Variants in ATP9A observed in about 807,000 individuals in gnomAD.
ATP9A encodes the protein probable phospholipid-transporting ATPase IIA.
In ATP9A, 52 loss-of-function variants were observed where a neutral mutation model predicts 144.1. The ratio of observed to expected loss-of-function variants is 0.36; its 90% CI spans 0.29 to 0.45. The LOEUF (loss-of-function observed/expected upper bound fraction) is 0.45. Among genes scored for constraint, ATP9A ranks in the 20% least tolerant of loss-of-function variants. The probability of loss-of-function intolerance (pLI) is 1.00; values close to 1 mark genes in which losing one functional copy is unlikely to be tolerated. For synonymous variants in ATP9A, 582 were observed against 557.4 expected (o/e 1.04, Z -0.62); for missense variants, 947 against 1,392.7 (o/e 0.68, Z 5.09).
chr20:51,696,796 CAAGTT>C (rs998709682), intron 5 of ATP9A, among the ~76,000 whole-genome samples: 3 of 152,160 alleles, frequency 2.0e-5, no homozygotes, highest in South Asian at 2.1e-4. Flanking sequence ...TCTACAGAAA[CAAGTT>C]AAGACACAAC....
At chr20:51,673,700 G>A (rs190150095) in intron 11 of ATP9A, among the ~76,000 whole-genome samples, 25 of 152,256 alleles carry the variant, frequency 1.6e-4, no homozygotes, top group Admixed American at 1.4e-3. Context: ...GAGCCTCAGT[G>A]TGGTTCACAC....
At chr20:51,625,004 CAAAAAAAAAAAA>C (rs71192538) in intron 18 of ATP9A, among the ~76,000 whole-genome samples, 176 bp downstream of exon 18, 4 of 100,812 alleles carry the variant, frequency 4.0e-5, no homozygotes, top group Non-Finnish European at 5.9e-5. Context: ...GACCCCGTCT[CAAAAAAAAAAAA>C]AAAAAAAAAA....
chr20:51,606,446 C>T (rs546500962), intron 26 of ATP9A, among the ~76,000 whole-genome samples: 2 of 152,226 alleles, frequency 1.3e-5, no homozygotes, highest in Admixed American at 1.3e-4. Context: ...CCTGTAATCC[C>T]AACACTTTGT....
chr20:51,763,115 T>C (rs896668461), intron 1 of ATP9A, among the ~76,000 whole-genome samples: 3 of 152,012 alleles, frequency 2.0e-5, no homozygotes, highest in Non-Finnish European at 2.9e-5. Flanking sequence ...ATTCCATTGA[T>C]AGACAATTTC....
At position 51,747,103 on chromosome 20, in the gene ATP9A, T is replaced by TG. The variant is rs576041454; in HGVS notation, c.69-17126_69-17125insC. On this transcript the variant is annotated intron_variant, in intron 1 of 27. Transcript: ENST00000338821. The stretch of plus-strand genomic sequence containing the variant: ...ATCTAAGGTCTGGGTTTTTCGTTTT[T>TG]TTTTTTTTTTTTCCTGTTTAACTAG... Among the ~76,000 whole-genome samples the TG allele has an allele frequency of 3.3e-3, 496 of 150,758 alleles. 2 individuals are homozygous for TG. Among genetic ancestry groups the TG allele is most frequent in the African/African-American group, 0.012 (479 of 40,852 alleles).
intron 6 of ATP9A, among the ~76,000 whole-genome samples, chr20:51,694,371 A>G (rs1406629452): frequency 6.6e-6 from 1 of 152,180 alleles, no homozygotes; most frequent in African/African-American, 2.4e-5. Flanking sequence ...TAAAACGTGG[A>G]GAAACGCAGA....
At chr20:51,657,363 A>G (rs957963810) in intron 13 of ATP9A, among the ~76,000 whole-genome samples, 1 of 151,132 alleles carries the variant, frequency 6.6e-6, no homozygotes, top group Non-Finnish European at 1.5e-5. Context: ...GAGACAGAGG[A>G]AAAAAAATAC....
rs146125195 is a variant in ATP9A, at chr20:51,708,975, C to T, written c.436+3991G>A. On this transcript the variant is annotated intron_variant, in intron 4 of 27. Transcript: ENST00000338821. Reference sequence around the variant, plus strand: ...TCCTGAACTAAGAAAAAAATGCTATCAAAGGACATTTTAGGGACAAATAGC... The same window carrying T: ...TCCTGAACTAAGAAAAAAATGCTATTAAAGGACATTTTAGGGACAAATAGC... Among the ~76,000 whole-genome samples, 51 of 152,092 alleles carry T rather than the reference C, an allele frequency of 3.4e-4. 1 individual carries two copies. Among genetic ancestry groups the T allele is most frequent in the Admixed American group, 2.8e-3 (43 of 15,248 alleles).
intron 6 of ATP9A, 135 bp from the exon 7 acceptor site, chr20:51,694,237 A>C: frequency 1.6e-6 from 1 of 609,890 alleles, no homozygotes; most frequent in Non-Finnish European, 2.9e-6. Flanking sequence ...TACATATCCT[A>C]TCTCCTACTT....
Position 51,608,563 on chromosome 20 carries a change from C to G in ATP9A, c.2700G>C (p.Ser900=). The change falls in exon 25 of 28, where the codon TCG becomes TCC. Residue 900 remains serine, a synonymous_variant. Transcript: ENST00000338821. ...GCTCAGGATACAGCATGGCAACTTC[C>G]GATTTGACATCTTTGTCCAGGACCA... The part of the protein sequence containing the change: ...FSLVLDKDVK[S]EVAMLYPELY... 6.2e-7 allele frequency: 1 copy of G among 1,613,562 alleles called. No homozygotes were observed. The highest frequency in any genetic ancestry group is 8.5e-7 in the Non-Finnish European group (1 of 1,179,490).
At chr20:51,752,273 C>T (rs1484763181) in intron 1 of ATP9A, among the ~76,000 whole-genome samples, 5 of 152,242 alleles carry the variant, frequency 3.3e-5, no homozygotes, top group South Asian at 4.1e-4. Flanking sequence ...TAGTATTGGA[C>T]GATGCCATTA....
intron 1 of ATP9A, among the ~76,000 whole-genome samples, chr20:51,765,044 A>T (rs2077897672): frequency 6.6e-6 from 1 of 152,120 alleles, no homozygotes; most frequent in South Asian, 2.1e-4. Context: ...AATTAACTCC[A>T]AAAACTCACA....
intron 1 of ATP9A, among the ~76,000 whole-genome samples, chr20:51,735,332 T>C (rs1363763595): frequency 1.3e-5 from 2 of 150,714 alleles, no homozygotes; most frequent in African/African-American, 4.9e-5. Flanking sequence ...AGGGAGACGC[T>C]TGCATGAGCA....
At chr20:51,731,132 C>T (rs1171497224) in intron 1 of ATP9A, among the ~76,000 whole-genome samples, 3 of 151,524 alleles carry the variant, frequency 2.0e-5, no homozygotes, top group Non-Finnish European at 4.4e-5. Flanking sequence ...GGTGAAACCC[C>T]GTCTCTGCTG....
intron 22 of ATP9A, among the ~76,000 whole-genome samples, chr20:51,615,480 C>CAT (rs920824516): frequency 2.6e-5 from 4 of 151,996 alleles, no homozygotes; most frequent in Admixed American, 1.3e-4. Context: ...ATGAAAATTA[C>CAT]ATATATATAC....
intron 3 of ATP9A, among the ~76,000 whole-genome samples, chr20:51,724,232 T>C (rs2077702754): frequency 6.6e-6 from 1 of 151,892 alleles, no homozygotes; most frequent in Non-Finnish European, 1.5e-5. Context: ...ATCCAAGCGT[T>C]CCCCCCCTGG....
At position 51,670,099 on chromosome 20, in the gene ATP9A, G is replaced by T. The variant is rs770151175; in HGVS notation, c.1191C>A (p.Thr397=). Residue 397 remains threonine (T), a synonymous_variant, in exon 13 of 28, where the codon ACC becomes ACA. Transcript: ENST00000338821. ...GCCGTTTGAAAATCATCTCGTTCTG[G>T]GTAAGAGTGCCTAAAACACAAGACA... is the stretch of plus-strand genomic sequence containing the variant. ...YLLTDKTGTL[T]QNEMIFKRLH... is the part of the protein sequence containing the mutation. 1.2e-6 allele frequency: 2 copies of T among 1,613,824 alleles called. No individual in the cohort carries two copies. The highest frequency in any genetic ancestry group is 1.7e-6 in the Non-Finnish European group (2 of 1,179,728).
rs543840498 is a variant in ATP9A, at chr20:51,621,292, G to C, written c.2115+782C>G. Among the ~76,000 whole-genome samples the C allele has an allele frequency of 1.6e-4, 24 of 152,204 alleles. 1 individual carries two copies. The South Asian group carries it at 5.0e-3, about 32-fold the overall frequency. ...TGAATGATGAGAACTGACTGTACCT[G>C]CCTCTATACAATACTATGCTATTTC... is the stretch of plus-strand genomic sequence containing the variant. On this transcript the variant is annotated intron_variant, in intron 19 of 27. Transcript: ENST00000338821.
chr20:51,710,717 A>G (rs1453258960), intron 4 of ATP9A, among the ~76,000 whole-genome samples: 1 of 152,204 alleles, frequency 6.6e-6, no homozygotes, highest in African/African-American at 2.4e-5. Flanking sequence ...AGAGACCCAC[A>G]AAGGAAGACA....
Sources: gnomAD v4.1 joint callset for allele counts (sites outside exome capture counted in the v4.1 genomes callset) on GRCh38, gnomAD v4.1.1 for gene constraint, MANE v1.5 for transcripts, NCBI Gene and HGNC (gene_info 2026-07-23, HGNC 2026-07-21) for gene names.